The following CDH13 variants were observed in gnomAD, a reference collection of about 807,000 sequenced individuals.
The protein encoded by CDH13 is cadherin-13.
In CDH13, 24 loss-of-function variants were observed where a neutral mutation model predicts 63.8. The ratio of observed to expected loss-of-function variants is 0.38; its 90% CI spans 0.27 to 0.53. The LOEUF is 0.53. Among genes scored for constraint, CDH13 ranks in the 20% least tolerant of loss-of-function variants. CDH13 has a pLI of 0.85. For synonymous variants in CDH13, 503 were observed against 355.3 expected, an observed-to-expected ratio of 1.42 and a Z score of -4.67; for missense variants, 1,049 against 903.1, an observed-to-expected ratio of 1.16 and a Z score of -2.07.
chr16:83,050,580 T>C (rs2151503765), intron 3 of CDH13, among the ~76,000 whole-genome samples: 1 of 152,302 alleles, frequency 6.6e-6, no homozygotes, highest in African/African-American at 2.4e-5. Flanking sequence ...GATTTTCCTT[T>C]GCTGTTTTCT....
chr16:83,008,796 T>C (rs755589559), intron 2 of CDH13, among the ~76,000 whole-genome samples: 1 of 152,202 alleles, frequency 6.6e-6, no homozygotes, highest in African/African-American at 2.4e-5. Flanking sequence ...ATTAGTCCAT[T>C]CTGACACTGC....
intron 6 of CDH13, among the ~76,000 whole-genome samples, chr16:83,408,506 C>T (rs1173505810): frequency 6.6e-6 from 1 of 152,094 alleles, no homozygotes; most frequent in Non-Finnish European, 1.5e-5. Flanking sequence ...TATAACACAA[C>T]AGTAAATATG....
At chr16:83,437,887 C>G (rs1242198166) in intron 6 of CDH13, among the ~76,000 whole-genome samples, 1 of 152,106 alleles carries the variant, frequency 6.6e-6, no homozygotes, top group Non-Finnish European at 1.5e-5. Context: ...TTCCATGTCA[C>G]TCCAAGATGG....
At chr16:82,723,429 C>T (rs1298222001) in intron 1 of CDH13, among the ~76,000 whole-genome samples, 1 of 152,114 alleles carries the variant, frequency 6.6e-6, no homozygotes, top group Non-Finnish European at 1.5e-5. Flanking sequence ...CCCAGCCTCC[C>T]TTAAGTTCTC....
intron 4 of CDH13, among the ~76,000 whole-genome samples, chr16:83,212,205 T>G (rs555401237): frequency 1.0e-3 from 156 of 151,872 alleles, no homozygotes; most frequent in African/African-American, 3.7e-3. Context: ...TTGCATGGAG[T>G]GGTTTTGAAG....
At chr16:83,137,538 A>G (rs1385898262) in intron 4 of CDH13, among the ~76,000 whole-genome samples, 3 of 152,244 alleles carry the variant, frequency 2.0e-5, no homozygotes, top group African/African-American at 7.2e-5. Flanking sequence ...CTGGCAAGAA[A>G]AGCCACTGCC....
chr16:82,741,378 T>C (rs924871826), intron 1 of CDH13, among the ~76,000 whole-genome samples: 1 of 152,214 alleles, frequency 6.6e-6, no homozygotes, highest in Non-Finnish European at 1.5e-5. Context: ...GCTCAAACTT[T>C]ACAACGTCTG....
chr16:83,374,311 C>A (rs879344968), intron 6 of CDH13, among the ~76,000 whole-genome samples: 1 of 152,152 alleles, frequency 6.6e-6, no homozygotes, highest in African/African-American at 2.4e-5. Context: ...AAATGAATAA[C>A]CATGTGACCC....
At chr16:83,155,565 A>G (rs559021090) in intron 4 of CDH13, among the ~76,000 whole-genome samples, 3 of 152,236 alleles carry the variant, frequency 2.0e-5, no homozygotes, top group African/African-American at 7.2e-5. Context: ...TCAACAGTGC[A>G]TATAGCTAAA....
chr16:82,677,334 C>T (rs934837719), intron 1 of CDH13, among the ~76,000 whole-genome samples: 4 of 152,054 alleles, frequency 2.6e-5, no homozygotes, highest in African/African-American at 9.7e-5. Flanking sequence ...TGTTTTATAC[C>T]TCTTCTTCCT....
At chr16:82,976,490 A>C (rs1909526271) in intron 2 of CDH13, among the ~76,000 whole-genome samples, 1 of 152,092 alleles carries the variant, frequency 6.6e-6, no homozygotes, top group Admixed American at 6.5e-5. Flanking sequence ...AGTTATCCTC[A>C]TCATAGATTA....
intron 5 of CDH13, among the ~76,000 whole-genome samples, chr16:83,291,070 A>G (rs1347482233): frequency 3.3e-5 from 5 of 152,120 alleles, no homozygotes; most frequent in South Asian, 2.1e-4. Flanking sequence ...GTACAGGTCT[A>G]TTTCTCTATG....
At chr16:82,651,991 C>A (rs773698236) in intron 1 of CDH13, among the ~76,000 whole-genome samples, 1 of 152,212 alleles carries the variant, frequency 6.6e-6, no homozygotes, top group African/African-American at 2.4e-5. Flanking sequence ...TGGAGCTTTT[C>A]GTCTTCTTTA....
At chr16:83,679,386 G>T (rs1181782438) in intron 10 of CDH13, among the ~76,000 whole-genome samples, 2 of 152,122 alleles carry the variant, frequency 1.3e-5, no homozygotes, top group Non-Finnish European at 2.9e-5. Flanking sequence ...TCAAGTATTG[G>T]ACACACTTAA....
chr16:83,070,151 C>T (rs1015090238), intron 3 of CDH13, among the ~76,000 whole-genome samples: 1 of 152,130 alleles, frequency 6.6e-6, no homozygotes, highest in Non-Finnish European at 1.5e-5. Context: ...TCTGCTCTTG[C>T]AGCAACAAAT....
chr16:83,576,906 A>T (rs758365203), intron 7 of CDH13, among the ~76,000 whole-genome samples: 5 of 152,198 alleles, frequency 3.3e-5, no homozygotes, highest in Non-Finnish European at 1.5e-5. Flanking sequence ...CCCTTATCAG[A>T]TGTATGATTT....
intron 1 of CDH13, among the ~76,000 whole-genome samples, chr16:82,774,475 C>T (rs2035402672): frequency 6.6e-6 from 1 of 152,172 alleles, no homozygotes; most frequent in African/African-American, 2.4e-5. Flanking sequence ...GAAGCACTAC[C>T]TAGTGTCAGG....
chr16:82,732,431 C>T (rs1467915575), intron 1 of CDH13, among the ~76,000 whole-genome samples: 2 of 152,130 alleles, frequency 1.3e-5, no homozygotes, highest in Non-Finnish European at 2.9e-5. Flanking sequence ...AAAATCAATG[C>T]CCACTTTCTC....
chr16:83,005,008 G>A (rs1913335367), intron 2 of CDH13, among the ~76,000 whole-genome samples: 1 of 152,180 alleles, frequency 6.6e-6, no homozygotes, highest in African/African-American at 2.4e-5. Flanking sequence ...AAAGGACATT[G>A]ACTAGAAGTT....
Sources: allele counts gnomAD v4.1 joint callset (sites outside exome capture counted in the v4.1 genomes callset), GRCh38; gene constraint gnomAD v4.1.1; transcripts MANE v1.5; gene names NCBI Gene and HGNC (gene_info 2026-07-23, HGNC 2026-07-21).